The following CTNNA2 variants were observed in gnomAD, a reference collection of about 807,000 sequenced individuals.
CTNNA2 encodes catenin alpha-2.
A neutral mutation model predicts 101.0 loss-of-function variants in CTNNA2; 42 were observed. The ratio of observed to expected loss-of-function variants is 0.42; its 90% confidence interval spans 0.32 to 0.54. The LOEUF is 0.54. CTNNA2 is among the 20% of genes least tolerant of loss of function. CTNNA2 has a pLI of 0.14. For missense variants in CTNNA2, 871 were observed against 1,223.1 expected (o/e 0.71, Z 4.29); for synonymous variants, 450 against 456.4 (o/e 0.99, Z 0.18).
intron 4 of CTNNA2, among the ~76,000 whole-genome samples, chr2:79,442,895 C>T (rs991561772): frequency 6.6e-6 from 1 of 152,084 alleles, no homozygotes; most frequent in Admixed American, 6.6e-5. Context: ...TCTCACAGAA[C>T]TCCTACCTCC....
At chr2:79,287,414 G>A (rs1381334065) in intron 2 of CTNNA2, among the ~76,000 whole-genome samples, 1 of 152,296 alleles carries the variant, frequency 6.6e-6, no homozygotes, top group South Asian at 2.1e-4. Flanking sequence ...TGACGATGGT[G>A]ATGTACAGAT....
At chr2:80,493,799 A>C (rs889307876) in intron 9 of CTNNA2, among the ~76,000 whole-genome samples, 1 of 152,240 alleles carries the variant, frequency 6.6e-6, no homozygotes, top group African/African-American at 2.4e-5. Flanking sequence ...TGCTGAAAGA[A>C]TAGGCTGATG....
intron 11 of CTNNA2, among the ~76,000 whole-genome samples, chr2:80,548,114 C>T (rs1417990293): frequency 6.6e-6 from 1 of 152,050 alleles, no homozygotes; most frequent in African/African-American, 2.4e-5. Flanking sequence ...TAGGTATGTT[C>T]GTAATTTGGT....
chr2:80,599,257 T>C (rs1345405950), intron 15 of CTNNA2, among the ~76,000 whole-genome samples: 1 of 152,142 alleles, frequency 6.6e-6, no homozygotes, highest in Non-Finnish European at 1.5e-5. Context: ...TGACTCCATA[T>C]TGGATAGTGC....
intron 7 of CTNNA2, among the ~76,000 whole-genome samples, chr2:80,050,648 G>A (rs1007090676): frequency 1.3e-5 from 2 of 152,150 alleles, no homozygotes; most frequent in Non-Finnish European, 2.9e-5. Flanking sequence ...TGACCCTGAT[G>A]AGTACAAGCC....
At chr2:80,638,600 A>C (rs1246885168) in intron 18 of CTNNA2, among the ~76,000 whole-genome samples, 1 of 152,190 alleles carries the variant, frequency 6.6e-6, no homozygotes, top group African/African-American at 2.4e-5. Flanking sequence ...TGTTAGAAAG[A>C]ATGCCTTGTT....
intron 3 of CTNNA2, among the ~76,000 whole-genome samples, chr2:79,814,652 TCA>T (rs1677336567): frequency 6.9e-6 from 1 of 145,190 alleles, no homozygotes; most frequent in Admixed American, 6.7e-5. Flanking sequence ...TATATATATA[TCA>T]CAGTTTCTTT....
rs2217746 is a variant in CTNNA2, at chr2:79,229,486, G to A, written c.-406+31410G>A. Among the ~76,000 whole-genome samples the A allele has an allele frequency of 8.4e-3, 1,286 of 152,228 alleles. 19 individuals are homozygous for A. The highest frequency in any genetic ancestry group is 0.03 in the African/African-American group (1,244 of 41,532). ...ATAAGAAGTGCCCTCCACCATGATT[G>A]TGTGACCTTCCCCAGCCACCTGGAA... On this transcript the variant is annotated intron_variant, in intron 2 of 21. Coordinates refer to the CTNNA2 transcript ENST00000466387.
In CTNNA2 at chr2:79,635,580, T is replaced by C. The variant is rs138622648; in HGVS notation, c.-5-15972T>C. ...GTGTAGTGGTGTGATCTCGGCTCATTGCAACCTCTGCCTCCCAGGCTCAAG... is the reference window on the plus strand; with the variant it reads ...GTGTAGTGGTGTGATCTCGGCTCATCGCAACCTCTGCCTCCCAGGCTCAAG... On this transcript the variant is annotated intron_variant, in intron 1 of 18. Coordinates refer to ENST00000402739, the MANE Select transcript of CTNNA2 (RefSeq NM_001282597.3). Among the ~76,000 whole-genome samples the C allele has an allele frequency of 5.0e-3, 758 of 150,684 alleles. 26 individuals are homozygous for C. In the South Asian group the frequency reaches 0.067, roughly 13 times the overall value.
intron 7 of CTNNA2, among the ~76,000 whole-genome samples, chr2:79,912,489 A>T (rs534089452): frequency 1.3e-5 from 2 of 152,216 alleles, no homozygotes; most frequent in Non-Finnish European, 2.9e-5. Context: ...ATGTCAACAG[A>T]ATTGTGCAGT....
At chr2:80,272,011 C>T (rs1209053461) in intron 7 of CTNNA2, among the ~76,000 whole-genome samples, 3 of 152,190 alleles carry the variant, frequency 2.0e-5, no homozygotes, top group Admixed American at 6.5e-5. Flanking sequence ...GAATATGAAT[C>T]ACAGTGGACC....
chr2:80,130,714 A>T (rs867555965), intron 7 of CTNNA2, among the ~76,000 whole-genome samples: 1 of 152,120 alleles, frequency 6.6e-6, no homozygotes, highest in African/African-American at 2.4e-5. Context: ...GTAAACAGCA[A>T]ATCTGCTTTG....
At chr2:80,316,394 G>A (rs1678128190) in intron 7 of CTNNA2, among the ~76,000 whole-genome samples, 1 of 152,146 alleles carries the variant, frequency 6.6e-6, no homozygotes, top group Non-Finnish European at 1.5e-5. Flanking sequence ...TTCCATTTCT[G>A]AACCATTACT....
chr2:80,524,573 C>T (rs188129574), intron 9 of CTNNA2, among the ~76,000 whole-genome samples: 13 of 152,288 alleles, frequency 8.5e-5, no homozygotes, highest in Non-Finnish European at 1.3e-4. Context: ...AGACTAGTCA[C>T]GTTGAACTAC....
intron 2 of CTNNA2, among the ~76,000 whole-genome samples, chr2:79,264,452 A>G (rs1674964618): frequency 6.6e-6 from 1 of 152,176 alleles, no homozygotes; most frequent in Non-Finnish European, 1.5e-5. Flanking sequence ...TAAATGATTG[A>G]GCAAATAATA....
chr2:80,339,746 TG>T (rs1407851279), intron 7 of CTNNA2, among the ~76,000 whole-genome samples: 1 of 152,160 alleles, frequency 6.6e-6, no homozygotes, highest in African/African-American at 2.4e-5. Context: ...GAGAGGAAAG[TG>T]TAAGAAACAA....
chr2:79,819,589 G>A (rs950648720), intron 3 of CTNNA2, among the ~76,000 whole-genome samples: 2 of 152,062 alleles, frequency 1.3e-5, no homozygotes, highest in African/African-American at 4.8e-5. Flanking sequence ...AAATTCAAAT[G>A]GTGGATAAAA....
chr2:79,803,543 T>C (rs1290250828), intron 3 of CTNNA2, among the ~76,000 whole-genome samples: 1 of 150,492 alleles, frequency 6.6e-6, no homozygotes, highest in Non-Finnish European at 1.5e-5. Flanking sequence ...TGCTGTTGTT[T>C]GTGGCTTAAG....
intron 7 of CTNNA2, among the ~76,000 whole-genome samples, chr2:80,269,475 C>T (rs1036611683): frequency 2.0e-5 from 3 of 152,074 alleles, no homozygotes; most frequent in Admixed American, 6.6e-5. Context: ...ATCCTTATAG[C>T]AATGTGAGAA....
Sources: gnomAD v4.1 joint callset for allele counts (sites outside exome capture counted in the v4.1 genomes callset) on GRCh38, gnomAD v4.1.1 for gene constraint, MANE v1.5 for transcripts, NCBI Gene and HGNC (gene_info 2026-07-23, HGNC 2026-07-21) for gene names.